Variants in PHACTR3 observed in about 807,000 individuals in gnomAD.
PHACTR3 encodes the protein protein phosphatase 1, regulatory subunit 123.
Under a neutral mutation model 66.8 loss-of-function variants are expected in PHACTR3, and 16 were observed. That is an observed-to-expected ratio of 0.24 (90% confidence interval 0.16 to 0.36). The LOEUF is 0.36. PHACTR3 is among the 10% of genes least tolerant of loss of function. PHACTR3 has a pLI of 1.00. For missense variants in PHACTR3, 647 were observed against 719.9 expected (o/e 0.90, Z 1.16); for synonymous variants, 323 against 292.1 (o/e 1.11, Z -1.08).
chr20:59,844,435 A>G (rs916376208), intron 11 of PHACTR3: 1 of 152,158 alleles, frequency 6.6e-6, no homozygotes, highest in Admixed American at 6.5e-5. Context: ...ATTAATGGAT[A>G]AAGAAAATGT....
chr20:59,761,162 G>A (rs941851488), intron 4 of PHACTR3, among the ~76,000 whole-genome samples: 1 of 152,150 alleles, frequency 6.6e-6, no homozygotes, highest in African/African-American at 2.4e-5. Flanking sequence ...GTCTGTGTCT[G>A]CATGGCTGTG....
chr20:59,742,527 C>T (rs759116322), intron 1 of PHACTR3, among the ~76,000 whole-genome samples: 3 of 152,162 alleles, frequency 2.0e-5, no homozygotes, highest in Non-Finnish European at 2.9e-5. Flanking sequence ...CCTGGCTCTG[C>T]GTTGGGTTCC....
chr20:59,825,719 A>G (rs2042171148), intron 8 of PHACTR3, among the ~76,000 whole-genome samples: 1 of 152,154 alleles, frequency 6.6e-6, no homozygotes, highest in Admixed American at 6.5e-5. Context: ...AGATCTGGGT[A>G]ACAACTTTCT....
intron 7 of PHACTR3, among the ~76,000 whole-genome samples, chr20:59,775,894 G>C (rs547346184): frequency 6.6e-6 from 1 of 152,338 alleles, no homozygotes; most frequent in South Asian, 2.1e-4. Context: ...TTCTCTGCTG[G>C]GGAGGGGGCT....
intron 1 of PHACTR3, among the ~76,000 whole-genome samples, chr20:59,643,225 A>C (rs2035167902): frequency 6.6e-6 from 1 of 152,152 alleles, no homozygotes; most frequent in South Asian, 2.1e-4. Context: ...CTTCTTTTAA[A>C]AGTTGGGGAT....
chr20:59,633,720 C>T (rs763701545), intron 1 of PHACTR3, among the ~76,000 whole-genome samples: 4 of 152,070 alleles, frequency 2.6e-5, no homozygotes, highest in Non-Finnish European at 5.9e-5. Context: ...CTCTGTAAGT[C>T]ATGGAAAAGG....
At chr20:59,844,315 A>C (rs2059114759) in intron 11 of PHACTR3, 3 of 152,134 alleles carry the variant, frequency 2.0e-5, no homozygotes, top group African/African-American at 7.2e-5. Context: ...CTAGGTATAC[A>C]CGCAAAGGAA....
chr20:59,635,107 C>CTTTCTT (rs1555881118), intron 1 of PHACTR3, among the ~76,000 whole-genome samples: 5 of 59,054 alleles, frequency 8.5e-5, no homozygotes, highest in African/African-American at 3.2e-4. Flanking sequence ...CTCTCTCTTT[C>CTTTCTT]TTTCTTTCTT....
rs79080653 is a variant in PHACTR3 at position 59,805,265 on chromosome 20, T to C, written c.1175-776T>C. Among the ~76,000 whole-genome samples the C allele has an allele frequency of 6.2e-3, 939 of 152,306 alleles. 9 individuals are homozygous for C. The highest frequency in any genetic ancestry group is 0.021 in the African/African-American group (893 of 41,550). On this transcript the variant is annotated intron_variant, in intron 7 of 12. Coordinates refer to ENST00000371015, the MANE Select transcript of PHACTR3 (RefSeq NM_080672.5). ...TCACTCAGCTGATTCCAGACACACA[T>C]AGAACACAAGGGCTGGCCTAGCAGA...
chr20:59,600,001 G>A (rs1008054904), upstream of PHACTR3, among the ~76,000 whole-genome samples: 13 of 152,150 alleles, frequency 8.5e-5, no homozygotes, highest in African/African-American at 2.9e-4. Context: ...ACAAAATCAG[G>A]CTCTTCCTGA....
rs1381201780 is a variant in PHACTR3, at chr20:59,664,889, C to T, written c.118+59757C>T. Among the ~76,000 whole-genome samples the T allele has an allele frequency of 3.3e-5, 5 of 152,274 alleles. No individual in the cohort carries two copies. In the South Asian group the frequency reaches 6.2e-4, roughly 19 times the overall value. ...GATTCATCAGACGAAAGTGAATACC[C>T]GTGCGGTATCCATTGCGGGCTGGGT... On this transcript the variant is annotated intron_variant, in intron 1 of 12. Transcript: ENST00000371015.
intron 4 of PHACTR3, among the ~76,000 whole-genome samples, chr20:59,756,308 G>A (rs770941694): frequency 6.6e-6 from 1 of 152,216 alleles, no homozygotes; most frequent in Non-Finnish European, 1.5e-5. Context: ...GGGGTGGGAA[G>A]GTGAACGCGT....
At chr20:59,775,272 G>T (rs943515485) in intron 7 of PHACTR3, among the ~76,000 whole-genome samples, 36 of 152,164 alleles carry the variant, frequency 2.4e-4, no homozygotes, top group African/African-American at 8.4e-4. Context: ...GGTCCAGGGC[G>T]GCCGTGGTGT....
chr20:59,745,262 A>T (rs117660210), intron 2 of PHACTR3, among the ~76,000 whole-genome samples: 3,423 of 152,296 alleles, frequency 0.022, 64 homozygotes, highest in Non-Finnish European at 0.036. Flanking sequence ...GGACTAGAGC[A>T]GAGTGACCTC....
chr20:59,784,756 C>T lies in PHACTR3; in HGVS notation c.1174+10266C>T, dbSNP rs6100587. Among the ~76,000 whole-genome samples, 744 of 152,294 alleles carry T rather than the reference C, an allele frequency of 4.9e-3. 9 individuals carry two copies. The highest frequency in any genetic ancestry group is 0.016 in the African/African-American group (660 of 41,554). On this transcript the variant is annotated intron_variant, in intron 7 of 12. Transcript: ENST00000371015. ...TGTGGCCTTGGGCTACACTGTGGGA[C>T]GTTGTCATCTGCAAAATAGGAAAAC... is the stretch of plus-strand genomic sequence containing the variant.
At chr20:59,779,803 A>C (rs919287824) in intron 7 of PHACTR3, among the ~76,000 whole-genome samples, 3 of 152,266 alleles carry the variant, frequency 2.0e-5, no homozygotes, top group African/African-American at 7.2e-5. Context: ...GTGCCCACAC[A>C]CACAGGCTTG....
chr20:59,609,298 C>G (rs1047231601), intron 1 of PHACTR3, among the ~76,000 whole-genome samples: 19 of 152,162 alleles, frequency 1.2e-4, no homozygotes, highest in African/African-American at 4.1e-4. Context: ...TTATGCCACT[C>G]TGCCAGCAGA....
chr20:59,749,454 A>G (rs1214420154), intron 3 of PHACTR3, among the ~76,000 whole-genome samples: 2 of 152,220 alleles, frequency 1.3e-5, no homozygotes, highest in Non-Finnish European at 1.5e-5. Context: ...TTGTCTGATG[A>G]AGTCATAGCA....
At chr20:59,735,749 C>T (rs62203952) in intron 1 of PHACTR3, among the ~76,000 whole-genome samples, 14,516 of 152,068 alleles carry the variant, frequency 0.095, 1,033 homozygotes, top group Non-Finnish European at 0.15. Flanking sequence ...ACGAGAGTGA[C>T]GGTTCTCATT....
Sources: gnomAD v4.1 joint callset for allele counts (sites outside exome capture counted in the v4.1 genomes callset) on GRCh38, gnomAD v4.1.1 for gene constraint, MANE v1.5 for transcripts, NCBI Gene and HGNC (gene_info 2026-07-23, HGNC 2026-07-21) for gene names.